Variants in CCDC171 observed in about 807,000 individuals in gnomAD.
CCDC171 encodes the protein coiled-coil domain-containing protein 171.
In CCDC171, 177 loss-of-function variants were observed where a neutral mutation model predicts 168.2. That is an observed-to-expected ratio of 1.05 (90% CI 0.93 to 1.19). The LOEUF is 1.19. CCDC171 is among the 50% of genes most tolerant of loss of function. The pLI is 0.00. For missense variants in CCDC171, 1,991 were observed against 1,539.0 expected, an observed-to-expected ratio of 1.29 and a Z score of -4.91; for synonymous variants, 687 against 540.8, an observed-to-expected ratio of 1.27 and a Z score of -3.75.
intron 24 of CCDC171, among the ~76,000 whole-genome samples, chr9:15,907,688 C>G (rs1822902976): frequency 6.6e-6 from 1 of 152,142 alleles, no homozygotes; most frequent in Non-Finnish European, 1.5e-5. Context: ...AGCTTCTGCA[C>G]AGCAAAAGAA....
intron 25 of CCDC171, among the ~76,000 whole-genome samples, chr9:15,961,511 T>C (rs532071156): frequency 6.6e-6 from 1 of 152,300 alleles, no homozygotes; most frequent in South Asian, 2.1e-4. Flanking sequence ...TCAGTGTCAT[T>C]ATTTGTGTAG....
intron 3 of CCDC171, among the ~76,000 whole-genome samples, chr9:15,990,284 T>TAAAA (rs1832144442): frequency 6.6e-6 from 1 of 151,188 alleles, no homozygotes; most frequent in African/African-American, 2.4e-5. Flanking sequence ...TCAACATTCT[T>TAAAA]AAAAGAATTT....
chr9:16,102,761 A>C, the CCDC171 span, among the ~76,000 whole-genome samples: 22,272 of 152,150 alleles, frequency 0.15, 1,715 homozygotes, highest in Non-Finnish European at 0.17. Flanking sequence ...GCTGCCCTTG[A>C]AAGTGGCCGG....
At chr9:15,652,295 A>G (rs540681473) in intron 7 of CCDC171, among the ~76,000 whole-genome samples, 1 of 152,302 alleles carries the variant, frequency 6.6e-6, no homozygotes, top group South Asian at 2.1e-4. Flanking sequence ...GAAAAGATGA[A>G]TCTTTTCCAT....
At chr9:15,596,702 G>A (rs1242069619) in intron 6 of CCDC171, among the ~76,000 whole-genome samples, 1 of 151,816 alleles carries the variant, frequency 6.6e-6, no homozygotes, top group Non-Finnish European at 1.5e-5. Context: ...GTAGCTTGAT[G>A]GGGATGGCAT....
intron 24 of CCDC171, among the ~76,000 whole-genome samples, chr9:15,914,048 A>C (rs1258968125): frequency 6.6e-6 from 1 of 152,180 alleles, no homozygotes; most frequent in Non-Finnish European, 1.5e-5. Flanking sequence ...GCCAGATACC[A>C]GCCGGAGCGC....
chr9:15,826,361 T>C (rs1448816381), intron 21 of CCDC171, among the ~76,000 whole-genome samples: 1 of 152,056 alleles, frequency 6.6e-6, no homozygotes. Flanking sequence ...GAAGATTATA[T>C]TTTCCAAAAA....
In CCDC171 at chr9:15,804,677, A is replaced by G. The variant is rs140989614; in HGVS notation, c.3267+19983A>G. ...ATTTTTGCATTGATGTTCATTAAGA[A>G]TATTAGCCTGGAGTTGTCTTGTTTT... On this transcript the variant is annotated intron_variant, in intron 21 of 25. Coordinates refer to ENST00000380701, the MANE Select transcript of CCDC171 (RefSeq NM_173550.4). Among the ~76,000 whole-genome samples the G allele has an allele frequency of 3.5e-4, 53 of 152,216 alleles. 1 individual carries two copies. The East Asian group carries it at 0.01, about 29-fold the overall frequency.
At chr9:15,856,110 C>G (rs1371698085) in intron 23 of CCDC171, among the ~76,000 whole-genome samples, 1 of 151,818 alleles carries the variant, frequency 6.6e-6, no homozygotes, top group African/African-American at 2.4e-5. Context: ...TGGTGAACTC[C>G]CTTAGCTTCT....
intron 6 of CCDC171, among the ~76,000 whole-genome samples, chr9:15,603,245 G>T (rs190817656): frequency 6.6e-6 from 1 of 152,066 alleles, no homozygotes; most frequent in Non-Finnish European, 1.5e-5. Context: ...CAGCCTCCCA[G>T]AGTGCTGGGA....
the CCDC171 span, among the ~76,000 whole-genome samples, chr9:16,094,628 T>C: frequency 6.6e-6 from 1 of 152,086 alleles, no homozygotes; most frequent in Non-Finnish European, 1.5e-5. Flanking sequence ...TGGAAATGAG[T>C]TTTCTCCTCA....
intron 8 of CCDC171, among the ~76,000 whole-genome samples, chr9:16,037,609 A>G (rs1280254705): frequency 6.6e-6 from 1 of 152,242 alleles, no homozygotes; most frequent in Non-Finnish European, 1.5e-5. Flanking sequence ...AATTGAAAAC[A>G]TAATAAATTA....
chr9:15,802,189 T>C (rs367800685), intron 21 of CCDC171, among the ~76,000 whole-genome samples: 1 of 151,878 alleles, frequency 6.6e-6, no homozygotes, highest in Non-Finnish European at 1.5e-5. Context: ...TTTTTCCTAC[T>C]GAGGGTTTAT....
Position 15,749,568 on chromosome 9 carries a change from C to A in CCDC171, c.2671+3937C>A, listed in dbSNP as rs184870505. 3.9e-5 allele frequency among the ~76,000 whole-genome samples: 6 copies of A among 152,004 alleles called. No homozygotes were observed. In the East Asian group the frequency reaches 1.2e-3, roughly 29 times the overall value. ...TTATTCTAAAATTGACCACATAATT[C>A]GAAGTAAAACACTCCTCAGCAAAAG... On this transcript the variant is annotated intron_variant, in intron 18 of 25. Transcript: ENST00000380701.
At chr9:15,910,173 C>A (rs1823406516) in intron 24 of CCDC171, among the ~76,000 whole-genome samples, 1 of 2,554 alleles carries the variant, frequency 3.9e-4, no homozygotes, top group Non-Finnish European at 1.3e-3. Flanking sequence ...TATATATGTG[C>A]ACACACACAC....
intron 21 of CCDC171, among the ~76,000 whole-genome samples, chr9:15,801,502 T>C (rs1210478099): frequency 6.6e-6 from 1 of 152,140 alleles, no homozygotes; most frequent in African/African-American, 2.4e-5. Flanking sequence ...TTATCAGTTC[T>C]AATAGTTTTT....
At chr9:16,000,078 T>A (rs1260687292) in intron 3 of CCDC171, among the ~76,000 whole-genome samples, 1 of 152,182 alleles carries the variant, frequency 6.6e-6, no homozygotes, top group East Asian at 1.9e-4. Context: ...AAAGAAGCAT[T>A]TTTTAACTGG....
At chr9:16,053,904 C>G (rs1833791922) in intron 1 of CCDC171, among the ~76,000 whole-genome samples, 1 of 152,236 alleles carries the variant, frequency 6.6e-6, no homozygotes, top group Non-Finnish European at 1.5e-5. Context: ...TGCCTGTCAC[C>G]TCAGTGATGC....
intron 7 of CCDC171, among the ~76,000 whole-genome samples, chr9:15,649,693 A>G (rs1289190093): frequency 6.6e-6 from 1 of 152,176 alleles, no homozygotes; most frequent in African/African-American, 2.4e-5. Context: ...TCAAAACCAC[A>G]ATGAGATACC....
Sources: allele counts gnomAD v4.1 joint callset (sites outside exome capture counted in the v4.1 genomes callset), GRCh38; gene constraint gnomAD v4.1.1; transcripts MANE v1.5; gene names NCBI Gene and HGNC (gene_info 2026-07-23, HGNC 2026-07-21).